COLEC12: variants seen among roughly 807,000 people sequenced by gnomAD.
COLEC12 encodes collectin subfamily member 12, also known as collectin-12.
A neutral mutation model predicts 71.1 loss-of-function variants in COLEC12; 33 were observed. The ratio of observed to expected loss-of-function variants is 0.46; its 90% CI spans 0.35 to 0.62. The LOEUF (loss-of-function observed/expected upper bound fraction) is 0.62. COLEC12 is among the 20% of genes least tolerant of loss of function. The probability of loss-of-function intolerance (pLI) is 0.00; values close to 1 mark genes in which losing one functional copy is unlikely to be tolerated. For missense variants in COLEC12, 765 were observed against 916.1 expected, an observed-to-expected ratio of 0.84 and a Z score of 2.13; for synonymous variants, 350 against 353.0, an observed-to-expected ratio of 0.99 and a Z score of 0.10.
At chr18:331,630 G>C (rs754386692) in intron 8 of COLEC12, 38 bp downstream of exon 8, 1 of 1,312,656 alleles carries the variant, frequency 7.6e-7, no homozygotes, top group South Asian at 1.2e-5. Context: ...AGAACAGTGA[G>C]AGCCTGACCA....
chr18:334,259 C>T (rs1914052450), intron 6 of COLEC12: 1 of 152,136 alleles, frequency 6.6e-6, no homozygotes, highest in African/African-American at 2.4e-5. Context: ...GAGAGAAACA[C>T]ATGCCTGGTA....
intron 1 of COLEC12, among the ~76,000 whole-genome samples, chr18:495,953 G>A (rs1028636402): frequency 6.6e-6 from 1 of 152,152 alleles, no homozygotes. Flanking sequence ...CATGGCAGGT[G>A]CTCAATAAAT....
At chr18:474,559 T>C (rs1398094830) in intron 2 of COLEC12, among the ~76,000 whole-genome samples, 4 of 152,078 alleles carry the variant, frequency 2.6e-5, no homozygotes, top group Non-Finnish European at 5.9e-5. Flanking sequence ...GTGGTTATCA[T>C]GTATGGTGAT....
rs757681445 is a variant in COLEC12 at position 335,067 on chromosome 18, G to A, written c.1491C>T (p.Gly497=). ...IGPAGPPGER[G]GKGSKGSQGP... is the part of the protein sequence containing the mutation. ...CCTGGGAGCCTTTAGATCCTTTGCC[G>A]CCACGCTCTCCGGGGGGACCAGCTG... Residue 497 remains glycine, a synonymous_variant, in exon 6 of 10, where the codon GGC becomes GGT. Transcript: ENST00000400256. 1.3e-5 allele frequency: 21 copies of A among 1,609,398 alleles called. No individual in the cohort carries two copies. The highest frequency in any genetic ancestry group is 8.8e-5 in the South Asian group (8 of 90,748).
rs781164622 is a variant in COLEC12 at position 334,778 on chromosome 18, G to A, written c.1780C>T (p.Leu594=). The A allele has an allele frequency of 2.0e-6, 3 of 1,485,540 alleles. No homozygotes were observed. Among genetic ancestry groups the A allele is most frequent in the Non-Finnish European group, 2.7e-6 (3 of 1,124,140 alleles). The allele number at this position is 1,485,540 out of a possible 1,614,324, so 92.0% of individuals were successfully genotyped here. A position where few individuals can be genotyped will look rare whatever the true frequency, so the allele number is the denominator to read the frequency against. Residue 594 remains leucine, a synonymous_variant, in exon 6 of 10, where the codon CTG becomes TTG. Transcript: ENST00000400256. ...GPSGAVVPLA[L]QNEPTPAPED... Reference sequence around the variant, plus strand: ...GGTGCTGGGGTTGGCTCATTCTGCAGGGCCAGGGGCACCACCGCTCCTGAT... The same window carrying A: ...GGTGCTGGGGTTGGCTCATTCTGCAAGGCCAGGGGCACCACCGCTCCTGAT...
intron 3 of COLEC12, among the ~76,000 whole-genome samples, chr18:350,958 T>TG (rs1648765024): frequency 9.6e-6 from 1 of 104,452 alleles, no homozygotes; most frequent in Admixed American, 1.1e-4. Context: ...AGACTCTGTC[T>TG]CAAAAAAAAA....
intron 2 of COLEC12, among the ~76,000 whole-genome samples, chr18:402,562 C>A (rs1404540541): frequency 1.3e-5 from 2 of 152,062 alleles, no homozygotes; most frequent in Non-Finnish European, 2.9e-5. Context: ...GAGGTGGGGA[C>A]GTCTCTTGGC....
At chr18:382,297 A>G (rs554264002) in intron 2 of COLEC12, among the ~76,000 whole-genome samples, 1 of 152,358 alleles carries the variant, frequency 6.6e-6, no homozygotes, top group African/African-American at 2.4e-5. Context: ...ATGGAAAAAA[A>G]ATCCCTTTTT....
At chr18:413,926 T>C (rs1046099869) in intron 2 of COLEC12, among the ~76,000 whole-genome samples, 5 of 152,360 alleles carry the variant, frequency 3.3e-5, no homozygotes, top group South Asian at 4.1e-4. Flanking sequence ...TATGATTCCA[T>C]TGATACAACA....
intron 2 of COLEC12, among the ~76,000 whole-genome samples, chr18:415,978 AAAT>A (rs1018605100): frequency 6.6e-5 from 10 of 152,236 alleles, no homozygotes; most frequent in Non-Finnish European, 1.0e-4. Context: ...GACTGAAGAA[AAAT>A]AATGAGAAAT....
At chr18:393,369 CATATTT>C (rs1915503095) in intron 2 of COLEC12, among the ~76,000 whole-genome samples, 2 of 139,432 alleles carry the variant, frequency 1.4e-5, no homozygotes, top group African/African-American at 5.1e-5. Flanking sequence ...CAGCAAATTT[CATATTT>C]CCCTTTTTTC....
intron 2 of COLEC12, among the ~76,000 whole-genome samples, chr18:443,951 T>C (rs1916595870): frequency 6.6e-6 from 1 of 152,170 alleles, no homozygotes; most frequent in African/African-American, 2.4e-5. Flanking sequence ...ATGACGTGCC[T>C]ACTCTCCCTT....
chr18:319,341 A>ATAT lies in COLEC12; in HGVS notation c.*703_*704insATA, dbSNP rs61291034. ...AACATTAAAAAAAAAAAAAAAAAAA[A>ATAT]ATATATATATATATATATATATACA... On this transcript the variant is annotated 3_prime_UTR_variant, in exon 10 of 10. Coordinates refer to ENST00000400256, the MANE Select transcript of COLEC12 (RefSeq NM_130386.3). 2.2e-4 allele frequency: 15 copies of ATAT among 67,180 alleles called. No homozygotes were observed. The highest frequency in any genetic ancestry group is 6.8e-4 in the African/African-American group (14 of 20,560). 4.2% of individuals were successfully genotyped at this position (67,180 alleles called of 1,614,324 possible).
intron 2 of COLEC12, among the ~76,000 whole-genome samples, chr18:445,068 A>C (rs1228376296): frequency 2.0e-5 from 3 of 152,144 alleles, no homozygotes; most frequent in Non-Finnish European, 4.4e-5. Flanking sequence ...CCTGTTGAAA[A>C]TGGTTTTCCC....
At chr18:378,982 T>C (rs938473589) in intron 2 of COLEC12, among the ~76,000 whole-genome samples, 3 of 152,158 alleles carry the variant, frequency 2.0e-5, no homozygotes, top group African/African-American at 7.2e-5. Context: ...TGGGTGAGGA[T>C]TGAGCCACGC....
At chr18:470,034 T>C (rs1917162747) in intron 2 of COLEC12, among the ~76,000 whole-genome samples, 1 of 152,154 alleles carries the variant, frequency 6.6e-6, no homozygotes, top group African/African-American at 2.4e-5. Context: ...TGTATCAGAA[T>C]TATAAGTATT....
At chr18:462,679 A>C (rs948795058) in intron 2 of COLEC12, among the ~76,000 whole-genome samples, 2 of 152,212 alleles carry the variant, frequency 1.3e-5, no homozygotes, top group Non-Finnish European at 2.9e-5. Flanking sequence ...TGATACATAA[A>C]TTATATCTCT....
intron 2 of COLEC12, among the ~76,000 whole-genome samples, chr18:450,439 T>G (rs2143712231): frequency 6.6e-6 from 1 of 152,296 alleles, no homozygotes; most frequent in East Asian, 1.9e-4. Context: ...TTTACAAGTG[T>G]GTGGCATCTC....
At chr18:419,779 G>A (rs1402549671) in intron 2 of COLEC12, among the ~76,000 whole-genome samples, 1 of 152,198 alleles carries the variant, frequency 6.6e-6, no homozygotes, top group Non-Finnish European at 1.5e-5. Flanking sequence ...ATTAAGAGGT[G>A]ATATCTATGT....
Sources: gnomAD v4.1 joint callset for allele counts (sites outside exome capture counted in the v4.1 genomes callset) on GRCh38, gnomAD v4.1.1 for gene constraint, MANE v1.5 for transcripts, NCBI Gene and HGNC (gene_info 2026-07-23, HGNC 2026-07-21) for gene names.